Variants in LOC400499 observed in about 807,000 individuals in gnomAD.
the LOC400499 span, among the ~76,000 whole-genome samples, chr16:11,395,008 G>A: frequency 6.6e-6 from 1 of 152,214 alleles, no homozygotes; most frequent in Non-Finnish European, 1.5e-5. Context: ...CGATCTCTGA[G>A]GAGATCCAAG....
At chr16:11,494,819 A>G in the LOC400499 span, 2 of 397,670 alleles carry the variant, frequency 5.0e-6, no homozygotes, top group Non-Finnish European at 8.9e-6. Context: ...CACAGGCCTC[A>G]CCCTGGCCAC....
At chr16:11,448,061 G>A in the LOC400499 span, 1 of 1,534,978 alleles carries the variant, frequency 6.5e-7, no homozygotes, top group Non-Finnish European at 8.7e-7. Context: ...AGCGACACCT[G>A]GGTCTTCCGG....
chr16:11,503,652 G>A, the LOC400499 span, among the ~76,000 whole-genome samples: 13 of 152,316 alleles, frequency 8.5e-5, no homozygotes, highest in African/African-American at 2.9e-4. Context: ...TCAGCAAGAC[G>A]CAGCCTGCAA....
At chr16:11,521,761 G>A in the LOC400499 span, among the ~76,000 whole-genome samples, 1 of 152,038 alleles carries the variant, frequency 6.6e-6, no homozygotes, top group Non-Finnish European at 1.5e-5. Flanking sequence ...GGCCCTCTGT[G>A]GCACCTCTTA....
At chr16:11,520,026 T>C in the LOC400499 span, among the ~76,000 whole-genome samples, 1 of 152,186 alleles carries the variant, frequency 6.6e-6, no homozygotes, top group Admixed American at 6.5e-5. Flanking sequence ...TTATATGAGG[T>C]ACCTAAAAAC....
the LOC400499 span, among the ~76,000 whole-genome samples, chr16:11,398,094 G>A: frequency 2.0e-4 from 31 of 152,124 alleles, no homozygotes; most frequent in Admixed American, 1.5e-3. Flanking sequence ...GAGCATTCCC[G>A]CATCATGTCT....
chr16:11,379,586 G>GTGACTGTGTCATGAGGCCCACAGCC, the LOC400499 span, among the ~76,000 whole-genome samples: 1 of 152,200 alleles, frequency 6.6e-6, no homozygotes, highest in Non-Finnish European at 1.5e-5. Flanking sequence ...GACTAACCTG[G>GTGACTGTGTCATGAGGCCCACAGCC]TGACTGTGTC....
chr16:11,470,900 G>T, the LOC400499 span, among the ~76,000 whole-genome samples: 2 of 152,200 alleles, frequency 1.3e-5, no homozygotes, highest in African/African-American at 4.8e-5. Context: ...GAGTGTTCCT[G>T]GCAGGGGAAA....
chr16:11,372,771 A>G, the LOC400499 span: 1 of 977,142 alleles, frequency 1.0e-6, no homozygotes, highest in Non-Finnish European at 1.2e-6. Flanking sequence ...AGACCAGGCT[A>G]TGGGCCCCTG....
At chr16:11,387,638 A>ATTTTTT in the LOC400499 span, among the ~76,000 whole-genome samples, 12 of 151,500 alleles carry the variant, frequency 7.9e-5, no homozygotes, top group Admixed American at 7.2e-4. Flanking sequence ...GGTCTAGGAA[A>ATTTTTT]TTTTGTTTTT....
the LOC400499 span, chr16:11,478,578 C>T: frequency 2.5e-6 from 1 of 398,924 alleles, no homozygotes; most frequent in East Asian, 3.6e-5. Flanking sequence ...GCCAGTGGTT[C>T]ACGTGACTCC....
At chr16:11,476,633 T>C in the LOC400499 span, 216,271 of 398,014 alleles carry the variant, frequency 0.54, 61,874 homozygotes, top group African/African-American at 0.83. Context: ...TCCACACCCA[T>C]GCACATCCCC....
the LOC400499 span, among the ~76,000 whole-genome samples, chr16:11,392,986 TG>T: frequency 1.1e-4 from 16 of 152,184 alleles, no homozygotes; most frequent in African/African-American, 3.4e-4. Context: ...CCTGAGTAGC[TG>T]GGAACTACAG....
chr16:11,517,821 T>TCC, the LOC400499 span, among the ~76,000 whole-genome samples: 9 of 152,222 alleles, frequency 5.9e-5, no homozygotes, highest in Middle Eastern at 6.8e-3. Context: ...GATGGAGTCC[T>TCC]CCTTCCCTGG....
the LOC400499 span, chr16:11,390,343 G>A: frequency 8.1e-7 from 1 of 1,233,758 alleles, no homozygotes; most frequent in Non-Finnish European, 1.0e-6. Context: ...CCCTTTGCCT[G>A]GCATCCCGGG....
At chr16:11,453,095 C>T in the LOC400499 span, among the ~76,000 whole-genome samples, 1 of 152,320 alleles carries the variant, frequency 6.6e-6, no homozygotes, top group African/African-American at 2.4e-5. Context: ...CTAGCACTCA[C>T]TCTCCCCTAA....
At chr16:11,519,237 A>G in the LOC400499 span, among the ~76,000 whole-genome samples, 2 of 152,182 alleles carry the variant, frequency 1.3e-5, no homozygotes, top group African/African-American at 4.8e-5. Flanking sequence ...AGTTTGGTTG[A>G]GGGATTCATA....
chr16:11,391,532 A>G, the LOC400499 span: 207,050 of 695,252 alleles, frequency 0.3, 31,473 homozygotes, highest in Middle Eastern at 0.33. Flanking sequence ...CAGCTGGGCT[A>G]CAGGCCCATG....
chr16:11,387,843 C>A, the LOC400499 span, among the ~76,000 whole-genome samples: 203 of 152,212 alleles, frequency 1.3e-3, no homozygotes, highest in African/African-American at 4.7e-3. Flanking sequence ...AGGCTAGTCT[C>A]AAACTCCTGA....
Sources: allele counts gnomAD v4.1 joint callset (sites outside exome capture counted in the v4.1 genomes callset), GRCh38; gene constraint gnomAD v4.1.1; transcripts MANE v1.5.